The following SLC41A3 variants were observed in gnomAD, a reference collection of about 807,000 sequenced individuals.
The protein encoded by SLC41A3 is SLC41A1-like 2.
In SLC41A3, 44 loss-of-function variants were observed where a neutral mutation model predicts 45.4. That is an observed-to-expected ratio of 0.97 (90% CI 0.76 to 1.25). The LOEUF is 1.25. Among genes scored for constraint, SLC41A3 ranks in the 50% most tolerant of loss-of-function variants. The pLI is 0.00. For missense variants in SLC41A3, 550 were observed against 600.6 expected, an observed-to-expected ratio of 0.92 and a Z score of 0.88; for synonymous variants, 256 against 252.4, an observed-to-expected ratio of 1.01 and a Z score of -0.13.
chr3:126,013,507 G>A (rs929545845), intron 8 of SLC41A3, among the ~76,000 whole-genome samples: 2 of 151,242 alleles, frequency 1.3e-5, no homozygotes, highest in African/African-American at 4.9e-5. Context: ...AGATTGCACT[G>A]AACCAAGATC....
At chr3:126,101,023 GC>G (rs1240272431) in intron 1 of SLC41A3, among the ~76,000 whole-genome samples, 5 of 152,338 alleles carry the variant, frequency 3.3e-5, no homozygotes, top group East Asian at 1.9e-4. Flanking sequence ...GCAGTGAGTC[GC>G]CCCGGGGGAG....
upstream of SLC41A3, among the ~76,000 whole-genome samples, chr3:126,087,945 T>C (rs1945425881): frequency 6.6e-6 from 1 of 152,136 alleles, no homozygotes; most frequent in Admixed American, 6.5e-5. Flanking sequence ...TATTGACTTA[T>C]TTTTAATGTA....
At chr3:126,098,141 G>A (rs1259338104) in intron 1 of SLC41A3, among the ~76,000 whole-genome samples, 2 of 152,222 alleles carry the variant, frequency 1.3e-5, no homozygotes, top group African/African-American at 4.8e-5. Flanking sequence ...TTGGGTCCCT[G>A]CAAATTCATA....
At position 126,068,083 on chromosome 3, in the gene SLC41A3, T is replaced by C; in HGVS notation, c.137A>G (p.Gln46Arg). Residue 46 changes from glutamine (Q) to arginine (R), a missense_variant, in exon 2 of 11, where the codon CAA becomes CGA. Transcript: ENST00000360370. ...CTCCAGTGGCTTGGGGGTCACGCTT[T>C]GGCTCTCAGGGGCCCTGAGAGCTCC... ...EDGALRAPESQSVTPKPLETE... is the reference protein window; with the variant it reads ...EDGALRAPESRSVTPKPLETE... 1.2e-6 allele frequency: 2 copies of C among 1,613,838 alleles called. No homozygotes were observed. Among genetic ancestry groups the C allele is most frequent in the Non-Finnish European group, 1.7e-6 (2 of 1,179,954 alleles).
chr3:126,089,950 G>A (rs1221916508), intron 1 of SLC41A3, among the ~76,000 whole-genome samples: 3 of 151,700 alleles, frequency 2.0e-5, no homozygotes, highest in Non-Finnish European at 4.4e-5. Flanking sequence ...GAGCTGCTTG[G>A]CTTGTGAATG....
intron 1 of SLC41A3, among the ~76,000 whole-genome samples, chr3:126,089,411 T>TAAA (rs1304524537): frequency 6.6e-6 from 1 of 152,216 alleles, no homozygotes; most frequent in African/African-American, 2.4e-5. Flanking sequence ...TTATGTAAGG[T>TAAA]AGTTGTAACA....
At chr3:126,056,214 G>A (rs1023741941) in intron 2 of SLC41A3, 2 of 991,516 alleles carry the variant, frequency 2.0e-6, no homozygotes, top group South Asian at 1.7e-5. Context: ...GCTGACACCC[G>A]GGACGCCCAA....
At chr3:126,050,812 G>A (rs1012752495) in intron 3 of SLC41A3, 131 bp downstream of exon 3, 2 of 1,392,550 alleles carry the variant, frequency 1.4e-6, no homozygotes, top group African/African-American at 2.9e-5. Flanking sequence ...AGCATGATGA[G>A]GTATCAAAAC....
intron 1 of SLC41A3, among the ~76,000 whole-genome samples, chr3:126,074,400 G>A (rs1324220898): frequency 6.6e-6 from 1 of 151,818 alleles, no homozygotes; most frequent in Non-Finnish European, 1.5e-5. Context: ...CCCTGTTTTT[G>A]CCAATTCTAT....
chr3:126,063,063 G>A (rs1189425896), intron 2 of SLC41A3, among the ~76,000 whole-genome samples: 1 of 152,138 alleles, frequency 6.6e-6, no homozygotes, highest in African/African-American at 2.4e-5. Flanking sequence ...GTAGCTGCTG[G>A]ACACATGCTG....
intron 2 of SLC41A3, chr3:126,056,393 T>C (rs1022422377): frequency 1.6e-5 from 26 of 1,614,082 alleles, no homozygotes; most frequent in Admixed American, 3.3e-5. Flanking sequence ...GCTGTCATCA[T>C]GCACAAGCCG....
chr3:126,063,634 A>G (rs768656879), intron 2 of SLC41A3, among the ~76,000 whole-genome samples: 9 of 152,100 alleles, frequency 5.9e-5, no homozygotes, highest in Non-Finnish European at 1.3e-4. Context: ...CTGACACACA[A>G]AACATAAAAC....
chr3:126,046,566 G>A (rs1203431517), intron 3 of SLC41A3, among the ~76,000 whole-genome samples: 1 of 152,144 alleles, frequency 6.6e-6, no homozygotes, highest in East Asian at 1.9e-4. Context: ...CAAAAGACTA[G>A]TACACTAAAA....
intron 2 of SLC41A3, among the ~76,000 whole-genome samples, chr3:126,067,228 T>C (rs908908504): frequency 6.6e-6 from 1 of 152,112 alleles, no homozygotes; most frequent in Non-Finnish European, 1.5e-5. Context: ...TATTCAGAGA[T>C]GTATACAATG....
At chr3:126,052,730 CA>C (rs1943412849) in intron 2 of SLC41A3, among the ~76,000 whole-genome samples, 1 of 152,218 alleles carries the variant, frequency 6.6e-6, no homozygotes, top group East Asian at 1.9e-4. Flanking sequence ...CCTCCACCCC[CA>C]GTCCTTTGCC....
intron 1 of SLC41A3, among the ~76,000 whole-genome samples, chr3:126,098,925 C>CTTTTTT (rs57262035): frequency 3.6e-5 from 4 of 109,632 alleles, no homozygotes; most frequent in African/African-American, 1.6e-4. Context: ...CATGACCTGG[C>CTTTTTT]TTTTTTTTTT....
At chr3:126,091,498 GA>G (rs1301740225) in intron 1 of SLC41A3, among the ~76,000 whole-genome samples, 1 of 152,182 alleles carries the variant, frequency 6.6e-6, no homozygotes, top group Non-Finnish European at 1.5e-5. Context: ...GAAATTGGTT[GA>G]AAAAGTTTAT....
upstream of SLC41A3, among the ~76,000 whole-genome samples, chr3:126,088,559 G>T (rs577112861): frequency 3.9e-5 from 6 of 152,186 alleles, no homozygotes; most frequent in Admixed American, 2.6e-4. Flanking sequence ...TTCTTCGCTA[G>T]TTAAAAAACT....
intron 1 of SLC41A3, among the ~76,000 whole-genome samples, chr3:126,100,397 T>C (rs886225368): frequency 3.3e-5 from 5 of 152,180 alleles, no homozygotes; most frequent in African/African-American, 1.2e-4. Context: ...TGAATTCCAC[T>C]TCCTCACCCT....
Sources: allele counts gnomAD v4.1 joint callset (sites outside exome capture counted in the v4.1 genomes callset), GRCh38; gene constraint gnomAD v4.1.1; transcripts MANE v1.5; gene names NCBI Gene and HGNC (gene_info 2026-07-23, HGNC 2026-07-21).